The following USHBP1 variants were observed in gnomAD, a reference collection of about 807,000 sequenced individuals.
The protein encoded by USHBP1 is harmonin-binding protein USHBP1.
USHBP1 carries 67 observed loss-of-function variants against 76.2 expected under a neutral mutation model. That is an observed-to-expected ratio of 0.88 (90% confidence interval 0.72 to 1.08). The LOEUF (loss-of-function observed/expected upper bound fraction) is 1.08, where lower values mean the gene tolerates loss of function less well. Ranked by LOEUF, USHBP1 falls within the 50% of genes least tolerant of loss-of-function variation. The pLI, the probability that USHBP1 is intolerant of heterozygous loss-of-function variation, is 0.00. For missense variants in USHBP1, 931 were observed against 915.0 expected (o/e 1.02, Z -0.23); for synonymous variants, 322 against 362.2 (o/e 0.89, Z 1.26).
rs139843559 is a variant in USHBP1 at position 17,262,598 on chromosome 19, G to A, written c.596C>T (p.Ala199Val). 4.8e-5 allele frequency: 77 copies of A among 1,612,902 alleles called. No homozygotes were observed. In the African/African-American group the frequency reaches 8.8e-4, roughly 18 times the overall value. Residue 199 changes from alanine (A) to valine (V), a missense_variant, in exon 4 of 13, where the codon GCC (alanine) becomes GTC (valine). Ala to Val is a moderately conservative substitution (Grantham distance 64). Coordinates refer to ENST00000252597, the MANE Select transcript of USHBP1 (RefSeq NM_031941.4). ...SREDELVRTQ[A>V]SLEAIRAEKE... is the part of the protein sequence containing the mutation. ...CTCAGCTCGGATGGCCTCCAGGGAG[G>A]CCTGCGTGCGGACCAGCTCATCCTC...
Position 17,264,030 on chromosome 19 carries a change from C to A in USHBP1, c.175G>T (p.Glu59Ter). The change falls in exon 3 of 13, where the codon GAG becomes TAG. Residue 59 changes from glutamate to a stop codon, truncating the protein, a stop_gained. Transcript: ENST00000252597. LOFTEE classifies it high-confidence loss of function. ...CTTCCTAGGCCTTGGCCACTGACCT[C>A]CTCCATGGGGCCCAGCTGCTCCAGC... ...SGLEQLGPME[E>*]VSGQGLGSRT... The A allele has an allele frequency of 1.2e-6, 2 of 1,608,154 alleles. No homozygotes were observed. The highest frequency in any genetic ancestry group is 1.7e-6 in the Non-Finnish European group (2 of 1,177,146).
chr19:17,253,962 CT>C (rs1413841515), intron 10 of USHBP1, among the ~76,000 whole-genome samples: 13 of 150,494 alleles, frequency 8.6e-5, no homozygotes, highest in Non-Finnish European at 1.9e-4. Context: ...AATCCCAGTA[CT>C]TTGGGAGGCT....
rs542253135 is a variant in USHBP1, at chr19:17,258,321, C to A, written c.1111G>T (p.Asp371Tyr). Residue 371 changes from aspartate (D) to tyrosine (Y), a missense_variant, in exon 8 of 13, where the codon GAC becomes TAC. Transcript: ENST00000252597. ...TGCAGGTCACTCATGGGGGCTTCGTCTCCTGCTCCTGAGTCGGCCTCCCGC... is the reference window on the plus strand; with the variant it reads ...TGCAGGTCACTCATGGGGGCTTCGTATCCTGCTCCTGAGTCGGCCTCCCGC... Reference protein sequence around the residue: ...ALREADSGAGDEAPMSDLQAA... With the variant: ...ALREADSGAGYEAPMSDLQAA... 1.9e-6 allele frequency: 3 copies of A among 1,614,090 alleles called. No homozygotes were observed. In the African/African-American group the frequency reaches 4.0e-5, roughly 22 times the overall value.
chr19:17,259,373 T>A lies in USHBP1; in HGVS notation c.962A>T (p.Tyr321Phe). 6.2e-7 allele frequency: 1 copy of A among 1,614,178 alleles called. No homozygotes were observed. The highest frequency in any genetic ancestry group is 1.1e-5 in the South Asian group (1 of 91,090). The change falls in exon 7 of 13, where the codon TAC becomes TTC. Residue 321 changes from tyrosine to phenylalanine, a missense_variant. By Grantham distance (22) the Tyr-to-Phe change is conservative. Transcript: ENST00000252597. ...GCTGAGGCCTTCACAGCGGCCCTTG[T>A]ATCCCTGTAGCACAGCTGATAGCAG... ...NRLLSAVLQG[Y>F]KGRCEGLSMQ... is the part of the protein sequence containing the mutation.
chr19:17,258,046 C>T (rs1445408380), intron 8 of USHBP1, among the ~76,000 whole-genome samples, 166 bp downstream of exon 8: 1 of 152,166 alleles, frequency 6.6e-6, no homozygotes, highest in African/African-American at 2.4e-5. Context: ...TAGCAACAGG[C>T]CAACTGCAGT....
chr19:17,263,870 A>G (rs982777681), intron 3 of USHBP1, 132 bp downstream of exon 3: 1 of 1,298,500 alleles, frequency 7.7e-7, no homozygotes, highest in Non-Finnish European at 1.0e-6. Context: ...GACTCAAAAA[A>G]AAAAGAAAGT....
intron 4 of USHBP1, among the ~76,000 whole-genome samples, chr19:17,260,696 C>T (rs1357351298): frequency 2.6e-5 from 4 of 152,146 alleles, no homozygotes; most frequent in African/African-American, 7.2e-5. Flanking sequence ...GCCCTGCTGT[C>T]TCCTCTGAGC....
chr19:17,251,874 G>A (rs766813944), intron 11 of USHBP1, 37 bp downstream of exon 11: 3 of 1,518,704 alleles, frequency 2.0e-6, no homozygotes, highest in Non-Finnish European at 2.6e-6. Flanking sequence ...TAGGCTGCCT[G>A]CCCACCCCCC....
Position 17,259,331 on chromosome 19 carries a change from C to T in USHBP1, c.1004G>A (p.Arg335Gln), listed in dbSNP as rs769889239. 36 of 1,614,000 alleles carry T rather than the reference C, an allele frequency of 2.2e-5. No homozygotes were observed. Among genetic ancestry groups the T allele is most frequent in the Non-Finnish European group, 2.5e-5 (30 of 1,180,034 alleles). Reference protein sequence around the residue: ...CEGLSMQLGQREAEATALHLA... With the variant: ...CEGLSMQLGQQEAEATALHLA... Reference sequence around the variant, plus strand: ...ATGCAATGCTGTGGCCTCAGCCTCCCGCTGGCCTAGCTGCATGCTGAGGCC... The same window carrying T: ...ATGCAATGCTGTGGCCTCAGCCTCCTGCTGGCCTAGCTGCATGCTGAGGCC... Residue 335 changes from arginine (R) to glutamine (Q), a missense_variant, in exon 7 of 13, where the codon CGG becomes CAG. Coordinates refer to ENST00000252597, the MANE Select transcript of USHBP1 (RefSeq NM_031941.4).
chr19:17,257,642 C>CAAA (rs778148447), intron 8 of USHBP1, among the ~76,000 whole-genome samples: 14 of 39,544 alleles, frequency 3.5e-4, no homozygotes, highest in African/African-American at 5.7e-4. Context: ...AACTCTGTCT[C>CAAA]AAAAAAAAAA....
At position 17,250,017 on chromosome 19, in the gene USHBP1, C is replaced by G; in HGVS notation, c.*208G>C. ...ACCCCACTGATATGAAGTTCACATT[C>G]CACTTGGTGCCAGGCCAAAGACACC... On this transcript the variant is annotated 3_prime_UTR_variant, in exon 13 of 13. Coordinates refer to ENST00000252597, the MANE Select transcript of USHBP1 (RefSeq NM_031941.4). The G allele has an allele frequency of 1.7e-6, 1 of 595,458 alleles. No individual in the cohort carries two copies. The highest frequency in any genetic ancestry group is 2.9e-6 in the Non-Finnish European group (1 of 345,602). The allele number at this position is 595,458 out of a possible 1,614,324, so 36.9% of individuals were successfully genotyped here.
intron 9 of USHBP1, 151 bp from the exon 10 acceptor site, chr19:17,255,757 T>C (rs987932391): frequency 1.2e-6 from 1 of 830,232 alleles, no homozygotes; most frequent in Admixed American, 3.0e-5. Flanking sequence ...TCCCAGCACT[T>C]TGGGAGGCCA....
Position 17,250,324 on chromosome 19 carries a change from C to G in USHBP1, c.2013G>C (p.Gln671His), listed in dbSNP as rs775459760. ...LEQQMALMEAQQAEEVAVLEA... is the reference protein window; with the variant it reads ...LEQQMALMEAHQAEEVAVLEA... The stretch of plus-strand genomic sequence containing the variant: ...CGAGCACCGCCACCTCCTCGGCCTG[C>G]TGAGCCTCCATGAGTGCCATCTGCT... The change falls in exon 13 of 13, where the codon CAG (glutamine) becomes CAC (histidine). Residue 671 changes from glutamine to histidine, a missense_variant. Coordinates refer to ENST00000252597, the MANE Select transcript of USHBP1 (RefSeq NM_031941.4). 6.2e-7 allele frequency: 1 copy of G among 1,613,538 alleles called. No individual in the cohort carries two copies. The highest frequency in any genetic ancestry group is 2.2e-5 in the East Asian group (1 of 44,892).
intron 3 of USHBP1, 160 bp downstream of exon 3, chr19:17,263,842 G>A (rs2073719968): frequency 9.8e-7 from 1 of 1,017,478 alleles, no homozygotes; most frequent in Non-Finnish European, 1.4e-6. Context: ...CTGCACTACA[G>A]CCTGGGTGAC....
At chr19:17,263,018 T>C in intron 3 of USHBP1, 28 bp from the exon 4 acceptor site, 1 of 1,506,288 alleles carries the variant, frequency 6.6e-7, no homozygotes, top group Non-Finnish European at 8.9e-7. Context: ...GGCACTTGAG[T>C]CACTCCATGC....
At chr19:17,260,949 C>T (rs573426481) in intron 4 of USHBP1, among the ~76,000 whole-genome samples, 2 of 152,186 alleles carry the variant, frequency 1.3e-5, no homozygotes. Flanking sequence ...CCGTCCGCAT[C>T]TCTCCACTTC....
chr19:17,250,244 A>G lies in USHBP1; in HGVS notation c.2093T>C (p.Leu698Pro), dbSNP rs529233430. Residue 698 changes from leucine to proline, a missense_variant, in exon 13 of 13, where the codon CTT becomes CCT. Leu to Pro is a moderately conservative substitution (Grantham distance 98). Transcript: ENST00000252597. Reference sequence around the variant, plus strand: ...AGGGGCCTACAGAAAGGTGTCCCCAAGCTGGGGAGGCGGGAGGGGAGGCCT... The same window carrying G: ...AGGGGCCTACAGAAAGGTGTCCCCAGGCTGGGGAGGCGGGAGGGGAGGCCT... The part of the protein sequence containing the change: ...KPRPPLPPPQ[L>P]GDTFL 4.3e-5 allele frequency: 70 copies of G among 1,611,738 alleles called. No individual in the cohort carries two copies. In the East Asian group the frequency reaches 8.7e-4, roughly 20 times the overall value.
rs370437297 is a variant in USHBP1, at chr19:17,258,312, G to A, written c.1120C>T (p.Pro374Ser). ...TCAGCTGCTTGCAGGTCACTCATGG[G>A]GGCTTCGTCTCCTGCTCCTGAGTCG... ...EADSGAGDEA[P>S]MSDLQAAEKE... Residue 374 changes from proline (P) to serine (S), a missense_variant, in exon 8 of 13, where the codon CCC becomes TCC. Pro to Ser is a moderately conservative substitution (Grantham distance 74). Coordinates refer to ENST00000252597, the MANE Select transcript of USHBP1 (RefSeq NM_031941.4). 2.2e-5 allele frequency: 35 copies of A among 1,613,920 alleles called. No individual in the cohort carries two copies. Among genetic ancestry groups the A allele is most frequent in the Non-Finnish European group, 2.8e-5 (33 of 1,180,034 alleles).
chr19:17,251,723 G>A lies in USHBP1; in HGVS notation c.1800-19C>T, dbSNP rs568068519. The A allele has an allele frequency of 9.3e-6, 15 of 1,611,082 alleles. No individual in the cohort carries two copies. In the East Asian group the frequency reaches 2.5e-4, roughly 26 times the overall value. Reference sequence around the variant, plus strand: ...CAGTGTCCTGTTGCGAAGGAGAAGAGAGGGGGCTCACAGCCCCAGCCGATC... The same window carrying A: ...CAGTGTCCTGTTGCGAAGGAGAAGAAAGGGGGCTCACAGCCCCAGCCGATC... On this transcript the variant is annotated intron_variant, in intron 11 of 12. Transcript: ENST00000252597.
Sources: gnomAD v4.1 joint callset for allele counts (sites outside exome capture counted in the v4.1 genomes callset) on GRCh38, gnomAD v4.1.1 for gene constraint, MANE v1.5 for transcripts, NCBI Gene and HGNC (gene_info 2026-07-23, HGNC 2026-07-21) for gene names.